RAB27B: variants seen among roughly 807,000 people sequenced by gnomAD.
RAB27B encodes ras-related protein Rab-27B.
RAB27B carries 15 observed loss-of-function variants against 24.6 expected under a neutral mutation model. The ratio of observed to expected loss-of-function variants is 0.61; its 90% CI spans 0.41 to 0.94. The LOEUF is 0.94. Among genes scored for constraint, RAB27B ranks in the 40% least tolerant of loss-of-function variants. The pLI, the probability that RAB27B is intolerant of heterozygous loss-of-function variation, is 0.00. For missense variants in RAB27B, 261 were observed against 266.8 expected, an observed-to-expected ratio of 0.98 and a Z score of 0.15; for synonymous variants, 105 against 92.5, an observed-to-expected ratio of 1.14 and a Z score of -0.78.
upstream of RAB27B, among the ~76,000 whole-genome samples, chr18:54,825,073 G>A (rs192331036): frequency 6.6e-6 from 1 of 152,002 alleles, no homozygotes; most frequent in Non-Finnish European, 1.5e-5. Flanking sequence ...ATCAAGCTTG[G>A]CTGACAGTTT....
chr18:54,871,531 T>C (rs1338653164), intron 1 of RAB27B, among the ~76,000 whole-genome samples: 2 of 152,208 alleles, frequency 1.3e-5, no homozygotes, highest in African/African-American at 2.4e-5. Context: ...TGAAACTCTG[T>C]ACACGGAATG....
At chr18:54,757,237 ACCCTGGG>A (rs1321437479) in intron 2 of RAB27B, among the ~76,000 whole-genome samples, 5 of 152,112 alleles carry the variant, frequency 3.3e-5, no homozygotes, top group Non-Finnish European at 7.4e-5. Context: ...AGAATAGGGG[ACCCTGGG>A]AGCCCATGGA....
At chr18:54,780,436 GTGTCTTCCCTGTCCTGACA>G (rs1908877173) in intron 2 of RAB27B, among the ~76,000 whole-genome samples, 1 of 103,774 alleles carries the variant, frequency 9.6e-6, no homozygotes, top group Admixed American at 1.4e-4. Context: ...CCCCCTCACC[GTGTCTTCCCTGTCCTGACA>G]GCTTCCCCCT....
chr18:54,782,635 C>A lies in RAB27B; in HGVS notation c.-20+64494C>A, dbSNP rs571329038. ...CCAAGAAAACCTCTACAATGATTTT[C>A]AAAATTGTTATTAAGACTGAAGTTG... On this transcript the variant is annotated intron_variant, in intron 2 of 4. Transcript: ENST00000586570. Among the ~76,000 whole-genome samples the A allele has an allele frequency of 5.3e-5, 8 of 152,248 alleles. No homozygotes were observed. In the South Asian group the frequency reaches 1.5e-3, roughly 28 times the overall value.
intron 2 of RAB27B, among the ~76,000 whole-genome samples, chr18:54,790,906 A>G (rs1300483618): frequency 6.6e-6 from 1 of 152,180 alleles, no homozygotes; most frequent in Non-Finnish European, 1.5e-5. Context: ...CAACTCTTCT[A>G]TTTATCACGC....
At chr18:54,787,037 A>G (rs1398791984) in intron 2 of RAB27B, among the ~76,000 whole-genome samples, 3 of 152,222 alleles carry the variant, frequency 2.0e-5, no homozygotes, top group African/African-American at 7.2e-5. Context: ...TTAACAGTTC[A>G]AGACACAGTG....
At chr18:54,775,443 A>G (rs1437465500) in intron 2 of RAB27B, among the ~76,000 whole-genome samples, 1 of 152,214 alleles carries the variant, frequency 6.6e-6, no homozygotes, top group Non-Finnish European at 1.5e-5. Flanking sequence ...ATTTGTCTCC[A>G]AAAGCCTGCT....
intron 2 of RAB27B, among the ~76,000 whole-genome samples, chr18:54,750,526 A>T (rs901861268): frequency 6.6e-6 from 1 of 151,546 alleles, no homozygotes; most frequent in African/African-American, 2.4e-5. Context: ...AGCCTTTGAC[A>T]GCTCTCCCAG....
chr18:54,737,849 A>G (rs980877649), intron 2 of RAB27B, among the ~76,000 whole-genome samples: 15 of 152,210 alleles, frequency 9.9e-5, no homozygotes, highest in African/African-American at 3.6e-4. Flanking sequence ...CAATATAATC[A>G]TTTATAATAT....
At chr18:54,739,873 T>C (rs1266514353) in intron 2 of RAB27B, among the ~76,000 whole-genome samples, 1 of 152,236 alleles carries the variant, frequency 6.6e-6, no homozygotes, top group Non-Finnish European at 1.5e-5. Flanking sequence ...CCTAATGGTA[T>C]TGAGCTTCTT....
rs117791010 is a variant in RAB27B, at chr18:54,813,583, G to A, written c.-19-63984G>A. On this transcript the variant is annotated intron_variant, in intron 2 of 4. Transcript: ENST00000586570. ...CATGTGATACCCTGGCTCCTGCTCT[G>A]CCTTCTGCCATGATTGTAAGCTTCC... 1.5e-3 allele frequency among the ~76,000 whole-genome samples: 234 copies of A among 152,268 alleles called. 6 individuals carry two copies. The East Asian group carries it at 0.037, about 24-fold the overall frequency.
intron 1 of RAB27B, among the ~76,000 whole-genome samples, chr18:54,875,597 G>A (rs1024290772): frequency 2.6e-5 from 4 of 151,258 alleles, no homozygotes; most frequent in African/African-American, 9.8e-5. Context: ...AGAGAGCTCT[G>A]CTAGTGAAGA....
At chr18:54,878,190 A>T (rs529548179) in intron 2 of RAB27B, among the ~76,000 whole-genome samples, 1 of 152,224 alleles carries the variant, frequency 6.6e-6, no homozygotes, top group Non-Finnish European at 1.5e-5. Context: ...ATTTTTATTT[A>T]TGTGTAGACT....
At chr18:54,770,338 T>C (rs556739771) in intron 2 of RAB27B, among the ~76,000 whole-genome samples, 8 of 152,224 alleles carry the variant, frequency 5.3e-5, no homozygotes, top group Admixed American at 2.0e-4. Context: ...TCCTGTCTGA[T>C]TGGCAGCGGC....
At chr18:54,809,930 G>A (rs1023549707) in intron 2 of RAB27B, among the ~76,000 whole-genome samples, 1 of 152,112 alleles carries the variant, frequency 6.6e-6, no homozygotes, top group African/African-American at 2.4e-5. Flanking sequence ...AGTGTAAACA[G>A]TTATGTTTTA....
chr18:54,763,639 C>G (rs1908266663), intron 2 of RAB27B, among the ~76,000 whole-genome samples: 1 of 152,170 alleles, frequency 6.6e-6, no homozygotes, highest in South Asian at 2.1e-4. Flanking sequence ...GTGGATTCCT[C>G]TAGTTCTGTT....
chr18:54,755,439 G>C (rs1907972837), intron 2 of RAB27B, among the ~76,000 whole-genome samples: 1 of 152,056 alleles, frequency 6.6e-6, no homozygotes, highest in Admixed American at 6.6e-5. Flanking sequence ...CCTGAAAAGG[G>C]TTTTGTATTA....
chr18:54,866,032 A>G (rs1912204552), intron 1 of RAB27B, among the ~76,000 whole-genome samples: 1 of 152,234 alleles, frequency 6.6e-6, no homozygotes, highest in South Asian at 2.1e-4. Context: ...AAATAAAGAC[A>G]GATACCTCAT....
At chr18:54,814,856 C>T (rs746833510) in intron 2 of RAB27B, among the ~76,000 whole-genome samples, 1 of 152,124 alleles carries the variant, frequency 6.6e-6, no homozygotes, top group Non-Finnish European at 1.5e-5. Context: ...CTATGTTCAT[C>T]AAGTTTATAC....
Sources: allele counts gnomAD v4.1 joint callset (sites outside exome capture counted in the v4.1 genomes callset), GRCh38; gene constraint gnomAD v4.1.1; transcripts MANE v1.5; gene names NCBI Gene and HGNC (gene_info 2026-07-23, HGNC 2026-07-21).